Variants in LRFN5 observed in about 807,000 individuals in gnomAD.
The protein encoded by LRFN5 is leucine rich repeat and fibronectin type III domain containing 5, also known as leucine-rich repeat and fibronectin type-III domain-containing protein 5.
LRFN5 carries 24 observed loss-of-function variants against 45.6 expected under a neutral mutation model. That is an observed-to-expected ratio of 0.53 (90% CI 0.38 to 0.74). The LOEUF (loss-of-function observed/expected upper bound fraction) is 0.74. Ranked by LOEUF, LRFN5 falls within the 30% of genes least tolerant of loss-of-function variation. The pLI, the probability that LRFN5 is intolerant of heterozygous loss-of-function variation, is 0.00. For synonymous variants in LRFN5, 340 were observed against 313.8 expected, an observed-to-expected ratio of 1.08 and a Z score of -0.88; for missense variants, 776 against 861.5, an observed-to-expected ratio of 0.90 and a Z score of 1.24.
At chr14:41,756,409 A>G (rs755842860) in intron 1 of LRFN5, among the ~76,000 whole-genome samples, 5 of 152,146 alleles carry the variant, frequency 3.3e-5, no homozygotes, top group Admixed American at 6.5e-5. Flanking sequence ...CACCATTCAG[A>G]CGTAGATTTG....
intron 1 of LRFN5, among the ~76,000 whole-genome samples, chr14:41,761,793 G>T (rs533797981): frequency 6.6e-6 from 1 of 151,994 alleles, no homozygotes; most frequent in Non-Finnish European, 1.5e-5. Flanking sequence ...TATTATTTTG[G>T]ATTATTTTGA....
chr14:41,638,285 A>G (rs1363089894), intron 1 of LRFN5, among the ~76,000 whole-genome samples: 1 of 151,996 alleles, frequency 6.6e-6, no homozygotes, highest in Non-Finnish European at 1.5e-5. Context: ...AAAATGATAG[A>G]GGGTTAGAAA....
At chr14:41,700,045 G>A (rs190963717) in intron 1 of LRFN5, 8 of 152,188 alleles carry the variant, frequency 5.3e-5, no homozygotes, top group Non-Finnish European at 1.0e-4. Flanking sequence ...GCCTTTTAAA[G>A]CAACGTGAAG....
chr14:41,709,756 A>G (rs1392692412), intron 1 of LRFN5, among the ~76,000 whole-genome samples: 1 of 152,112 alleles, frequency 6.6e-6, no homozygotes, highest in Non-Finnish European at 1.5e-5. Context: ...AATATAAAAG[A>G]TAATATAAGC....
rs780111966 is a variant in LRFN5, at chr14:41,898,927, G to A, written c.2109G>A (p.Leu703=). 3 of 1,610,450 alleles carry A rather than the reference G, an allele frequency of 1.9e-6. No individual in the cohort carries two copies. Among genetic ancestry groups the A allele is most frequent in the Admixed American group, 3.4e-5 (2 of 59,492 alleles). The change falls in exon 5 of 6, where the codon CTG becomes CTA. Residue 703 remains leucine (L), a synonymous_variant. Coordinates refer to ENST00000298119, the MANE Select transcript of LRFN5 (RefSeq NM_152447.5). ...KRAHIKPNAL[L]TNVDQIVQET... Reference sequence around the variant, plus strand: ...ACATTTTATTCCCAGATGCTTTGCTGACTAATGTTGACCAGATTGTCCAGG... The same window carrying A: ...ACATTTTATTCCCAGATGCTTTGCTAACTAATGTTGACCAGATTGTCCAGG...
chr14:41,893,886 C>T (rs1594503986), intron 4 of LRFN5: 22 of 985,136 alleles, frequency 2.2e-5, no homozygotes, highest in South Asian at 4.7e-5. Flanking sequence ...TTATTTATTT[C>T]GTGTAAGGAA....
At chr14:41,740,061 C>G (rs879525832) in intron 1 of LRFN5, among the ~76,000 whole-genome samples, 3 of 151,916 alleles carry the variant, frequency 2.0e-5, no homozygotes, top group Admixed American at 1.3e-4. Flanking sequence ...AAAAAACTTT[C>G]AAAAATAAAA....
chr14:41,730,698 C>T (rs1884135123), intron 1 of LRFN5, among the ~76,000 whole-genome samples: 1 of 151,442 alleles, frequency 6.6e-6, no homozygotes, highest in Non-Finnish European at 1.5e-5. Flanking sequence ...GTTTTAGAGC[C>T]TTGGTTCTTT....
chr14:41,791,433 T>A (rs978572797), intron 2 of LRFN5, among the ~76,000 whole-genome samples: 1 of 151,954 alleles, frequency 6.6e-6, no homozygotes, highest in Admixed American at 6.6e-5. Flanking sequence ...ACCAATTATG[T>A]CTGAAAATAA....
intron 1 of LRFN5, among the ~76,000 whole-genome samples, chr14:41,671,617 G>GTTTTTTTTATTTTTTTTTTTT (rs1881225646): frequency 1.3e-5 from 1 of 78,020 alleles, no homozygotes; most frequent in Non-Finnish European, 2.3e-5. Flanking sequence ...TTTTTTTTTC[G>GTTTTTTTTATTTTTTTTTTTT]TTTTTTTTTT....
chr14:41,760,285 C>T (rs921862191), intron 1 of LRFN5, among the ~76,000 whole-genome samples: 5 of 152,092 alleles, frequency 3.3e-5, no homozygotes, highest in Non-Finnish European at 5.9e-5. Context: ...TAGGGTCTTA[C>T]TATGTTGCGT....
At chr14:41,801,640 C>T (rs1340661480) in intron 2 of LRFN5, among the ~76,000 whole-genome samples, 2 of 152,174 alleles carry the variant, frequency 1.3e-5, no homozygotes, top group East Asian at 1.9e-4. Flanking sequence ...GCTTGAATCT[C>T]GCAGCCTGTG....
intron 2 of LRFN5, among the ~76,000 whole-genome samples, chr14:41,882,101 C>CAG (rs1326330636): frequency 1.3e-5 from 2 of 152,092 alleles, no homozygotes; most frequent in African/African-American, 2.4e-5. Flanking sequence ...TTTTGGAGCT[C>CAG]TATTTCTATT....
At chr14:41,646,098 A>G (rs1879806203) in intron 1 of LRFN5, among the ~76,000 whole-genome samples, 1 of 152,116 alleles carries the variant, frequency 6.6e-6, no homozygotes, top group Non-Finnish European at 1.5e-5. Flanking sequence ...GTCATCTCAA[A>G]TATCATTTCT....
intron 1 of LRFN5, among the ~76,000 whole-genome samples, chr14:41,635,365 A>G (rs1473687497): frequency 1.3e-5 from 2 of 152,178 alleles, no homozygotes; most frequent in African/African-American, 4.8e-5. Flanking sequence ...TGGCTAGTAC[A>G]TATAATTTAT....
intron 2 of LRFN5, among the ~76,000 whole-genome samples, chr14:41,835,311 T>C (rs1178356963): frequency 6.6e-6 from 1 of 152,200 alleles, no homozygotes; most frequent in Non-Finnish European, 1.5e-5. Context: ...TGTCTGTGCT[T>C]CTTTGGCTAT....
At chr14:41,658,775 A>G (rs1379858773) in intron 1 of LRFN5, among the ~76,000 whole-genome samples, 1 of 151,978 alleles carries the variant, frequency 6.6e-6, no homozygotes, top group Non-Finnish European at 1.5e-5. Context: ...AATATTAACT[A>G]TGACCTTGGA....
At chr14:41,856,527 C>T (rs1889458888) in intron 2 of LRFN5, among the ~76,000 whole-genome samples, 1 of 151,636 alleles carries the variant, frequency 6.6e-6, no homozygotes, top group African/African-American at 2.4e-5. Flanking sequence ...TGTGTTCACC[C>T]CCTTGAATGT....
intron 3 of LRFN5, among the ~76,000 whole-genome samples, chr14:41,890,013 G>A (rs1024602427): frequency 3.3e-5 from 5 of 151,988 alleles, no homozygotes; most frequent in African/African-American, 7.3e-5. Flanking sequence ...ACAGGTGCCC[G>A]CCACCACTCC....
Sources: gnomAD v4.1 joint callset for allele counts (sites outside exome capture counted in the v4.1 genomes callset) on GRCh38, gnomAD v4.1.1 for gene constraint, MANE v1.5 for transcripts, NCBI Gene and HGNC (gene_info 2026-07-23, HGNC 2026-07-21) for gene names.